The following SIGLEC1 variants were observed in gnomAD, a reference collection of about 807,000 sequenced individuals.
SIGLEC1 encodes sialic acid binding Ig like lectin 1.
A neutral mutation model predicts 148.0 loss-of-function variants in SIGLEC1; 132 were observed. The observed-to-expected ratio is 0.89, with a 90% CI of 0.77 to 1.03. The LOEUF (loss-of-function observed/expected upper bound fraction) is 1.03. Among genes scored for constraint, SIGLEC1 ranks in the 50% least tolerant of loss-of-function variants. The probability of loss-of-function intolerance (pLI) is 0.00; values close to 1 mark genes in which losing one functional copy is unlikely to be tolerated. For synonymous variants in SIGLEC1, 945 were observed against 969.0 expected, an observed-to-expected ratio of 0.98 and a Z score of 0.46; for missense variants, 2,253 against 2,271.4, an observed-to-expected ratio of 0.99 and a Z score of 0.16.
intron 5 of SIGLEC1, 131 bp from the exon 6 acceptor site, chr20:3,703,582 G>A (rs569532850): frequency 2.5e-6 from 3 of 1,207,130 alleles, no homozygotes; most frequent in South Asian, 3.1e-5. Context: ...CTGCTACAGG[G>A]GAGCCTCCTG....
chr20:3,704,920 G>A (rs921466840), intron 4 of SIGLEC1, among the ~76,000 whole-genome samples: 1 of 152,176 alleles, frequency 6.6e-6, no homozygotes, highest in African/African-American at 2.4e-5. Flanking sequence ...CACTGTATCC[G>A]GCCTCAAGTG....
Position 3,689,148 on chromosome 20 carries a change from T to C in SIGLEC1, c.5070+7A>G. 1 of 1,612,710 alleles carries C rather than the reference T, an allele frequency of 6.2e-7. No individual in the cohort carries two copies. Among genetic ancestry groups the C allele is most frequent in the Non-Finnish European group, 8.5e-7 (1 of 1,178,640 alleles). Reference sequence around the variant, plus strand: ...ATTATATCTGCCCGTGTGTGTTGAATGGATACCTGCGTGGTCTCTTTCTGA... The same window carrying C: ...ATTATATCTGCCCGTGTGTGTTGAACGGATACCTGCGTGGTCTCTTTCTGA... On this transcript the variant is annotated splice_region_variant and intron_variant, in intron 21 of 21. Transcript: ENST00000344754.
In SIGLEC1 at chr20:3,694,930, G is replaced by T. The variant is rs2088808139; in HGVS notation, c.2684-7C>A. 6.2e-7 allele frequency: 1 copy of T among 1,608,070 alleles called. No homozygotes were observed. Among genetic ancestry groups the T allele is most frequent in the South Asian group, 1.1e-5 (1 of 90,484 alleles). On this transcript the variant is annotated splice_polypyrimidine_tract_variant and splice_region_variant and intron_variant, in intron 11 of 21. Transcript: ENST00000344754. ...GACACCTGGACCCAGGCTCCTGCAG[G>T]GGAAAACCAAGAGCAGGTGAGGGCT...
At position 3,692,616 on chromosome 20, in the gene SIGLEC1, A is replaced by G. The variant is rs1187312112; in HGVS notation, c.3935T>C (p.Leu1312Pro). The G allele has an allele frequency of 6.2e-7, 1 of 1,612,940 alleles. No individual in the cohort carries two copies. Among genetic ancestry groups the G allele is most frequent in the Admixed American group, 1.7e-5 (1 of 60,028 alleles). Reference sequence around the variant, plus strand: ...GCCTGCATGAGCCCGCGTGGCCACCAGGAATGAGAGTGAGGCAGCTGGACC... The same window carrying G: ...GCCTGCATGAGCCCGCGTGGCCACCGGGAATGAGAGTGAGGCAGCTGGACC... ...QEGPAASLSFLVATRAHAGAY... is the reference protein window; with the variant it reads ...QEGPAASLSFPVATRAHAGAY... Residue 1312 changes from leucine (L) to proline (P), a missense_variant, in exon 16 of 22, where the codon CTG becomes CCG. Transcript: ENST00000344754.
In SIGLEC1 at chr20:3,701,443, A is replaced by AG. The variant is rs1270227738; in HGVS notation, c.1426dup (p.Leu476ProfsTer10). The AG allele has an allele frequency of 2.5e-6, 4 of 1,614,126 alleles. No homozygotes were observed. The highest frequency in any genetic ancestry group is 1.6e-4 in the Middle Eastern group (1 of 6,062). ...AGTTTCCTCCAGGTCTCGGATCTCCAGGCGCAGGGAGTTGGGACCAGAGGT... is the reference window on the plus strand; with the variant it reads ...AGTTTCCTCCAGGTCTCGGATCTCCAGGGCGCAGGGAGTTGGGACCAGAGGT... On this transcript the variant is annotated frameshift_variant, in exon 7 of 22. Transcript: ENST00000344754. LOFTEE classifies it high-confidence loss of function.
At chr20:3,697,479 C>A in intron 9 of SIGLEC1, 137 bp from the exon 10 acceptor site, 2 of 1,090,814 alleles carry the variant, frequency 1.8e-6, no homozygotes, top group Non-Finnish European at 1.3e-6. Flanking sequence ...AGCTAGCTCA[C>A]AGGGCAGCCT....
chr20:3,694,475 C>T lies in SIGLEC1; in HGVS notation c.3002G>A (p.Gly1001Asp), dbSNP rs1234012638. 2 of 1,597,262 alleles carry T rather than the reference C, an allele frequency of 1.3e-6. No individual in the cohort carries two copies. The highest frequency in any genetic ancestry group is 1.3e-5 in the African/African-American group (1 of 74,540). The change falls in exon 13 of 22, where the codon GGC becomes GAC. Residue 1001 changes from glycine to aspartate, a missense_variant. Physicochemically the swap from Gly to Asp is moderately conservative, Grantham distance 94. Coordinates refer to ENST00000344754, the MANE Select transcript of SIGLEC1 (RefSeq NM_023068.4). ...ACTGTCCACACGGCACAGGAGGAGG[C>T]CCAGTCGTCCAGGGCCTGTGTCCAT... is the stretch of plus-strand genomic sequence containing the variant. ...TLMDTGPGRLGLLLCRVDSDP... is the reference protein window; with the variant it reads ...TLMDTGPGRLDLLLCRVDSDP...
In SIGLEC1 at chr20:3,694,395, G is replaced by A. The variant is rs2146521839; in HGVS notation, c.3082C>T (p.Leu1028=). Residue 1028 remains leucine, a synonymous_variant, in exon 13 of 22, where the codon CTA becomes TTA. Transcript: ENST00000344754. ...CCTTCGGGTCCCCCCACACCTTGTA[G>A]GGTGGAGGCCACAAGGCGATCCCCG... ...LHGDRLVAST[L]QGVGGPEGSS... 1.2e-6 allele frequency: 2 copies of A among 1,613,256 alleles called. No individual in the cohort carries two copies. Among genetic ancestry groups the A allele is most frequent in the Non-Finnish European group, 1.7e-6 (2 of 1,179,872 alleles).
At chr20:3,712,091 G>A (rs1471810250) in intron 1 of SIGLEC1, among the ~76,000 whole-genome samples, 3 of 151,962 alleles carry the variant, frequency 2.0e-5, no homozygotes, top group Non-Finnish European at 4.4e-5. Context: ...TAGAGTCGGA[G>A]TTGTGGTTAG....
At chr20:3,700,106 CTTTTTTTT>C (rs58342380) in intron 7 of SIGLEC1, among the ~76,000 whole-genome samples, 1 of 36,064 alleles carries the variant, frequency 2.8e-5, no homozygotes, top group Non-Finnish European at 4.7e-5. Context: ...CTGTGGCCAG[CTTTTTTTT>C]TTTTTTTTTT....
chr20:3,701,437 A>C lies in SIGLEC1; in HGVS notation c.1433T>G (p.Ile478Ser), dbSNP rs1342318873. ...ACTGTCAGTTTCCTCCAGGTCTCGG[A>C]TCTCCAGGCGCAGGGAGTTGGGACC... ...TSGPNSLRLE[I>S]RDLEETDSGE... Residue 478 changes from isoleucine (I) to serine (S), a missense_variant, in exon 7 of 22, where the codon ATC becomes AGC. Coordinates refer to ENST00000344754, the MANE Select transcript of SIGLEC1 (RefSeq NM_023068.4). 1 of 1,614,106 alleles carries C rather than the reference A, an allele frequency of 6.2e-7. No individual in the cohort carries two copies. The highest frequency in any genetic ancestry group is 2.2e-5 in the East Asian group (1 of 44,880).
intron 4 of SIGLEC1, 118 bp from the exon 5 acceptor site, chr20:3,704,209 C>G: frequency 1.0e-6 from 1 of 955,078 alleles, no homozygotes. Flanking sequence ...GATAAAACAG[C>G]AGTCCCCTTC....
rs1260157172 is a variant in SIGLEC1 at position 3,690,171 on chromosome 20, G to A, written c.4685C>T (p.Ala1562Val). 4 of 1,585,456 alleles carry A rather than the reference G, an allele frequency of 2.5e-6. 1 individual carries two copies. Residue 1562 changes from alanine (A) to valine (V), a missense_variant, in exon 19 of 22, where the codon GCC becomes GTC. Transcript: ENST00000344754. ...ACTGCCAAGGTGGAGAGTCAGGCTG[G>A]CGAGCGGCTCGCTGTCCACTCGGCA... ...LDCRVDSEPL[A>V]SLTLHLGSRL...
rs772665418 is a variant in SIGLEC1 at position 3,689,189 on chromosome 20, G to A, written c.5036C>T (p.Ser1679Leu). The A allele has an allele frequency of 2.1e-5, 34 of 1,614,020 alleles. No homozygotes were observed. The highest frequency in any genetic ancestry group is 1.6e-4 in the Middle Eastern group (1 of 6,084). ...CTCTTTCTGAAAAGCCATCTCCACC[G>A]AATTCTCGCCCATGCTCTGCTTACA... ...RVCKQSMGENSVEMAFQKETT... is the reference protein window; with the variant it reads ...RVCKQSMGENLVEMAFQKETT... Residue 1679 changes from serine (S) to leucine (L), a missense_variant, in exon 21 of 22, where the codon TCG (serine) becomes TTG (leucine). Transcript: ENST00000344754.
intron 3 of SIGLEC1, 74 bp downstream of exon 3, chr20:3,706,273 G>A: frequency 6.5e-7 from 1 of 1,536,382 alleles, no homozygotes; most frequent in African/African-American, 1.4e-5. Context: ...CAAGGGCTGG[G>A]GCTGAGAGCC....
intron 4 of SIGLEC1, among the ~76,000 whole-genome samples, chr20:3,704,984 T>C (rs1225838697): frequency 6.6e-6 from 1 of 152,096 alleles, no homozygotes; most frequent in Non-Finnish European, 1.5e-5. Flanking sequence ...ATCTCCTTTA[T>C]TTGTTTTTGT....
chr20:3,694,718 C>G lies in SIGLEC1; in HGVS notation c.2889G>C (p.Gln963His). The change falls in exon 12 of 22, where the codon CAG becomes CAC. Residue 963 changes from glutamine to histidine, a missense_variant. By Grantham distance (24) the Gln-to-His change is conservative. Coordinates refer to ENST00000344754, the MANE Select transcript of SIGLEC1 (RefSeq NM_023068.4). ...TQAGAYHCQA[Q>H]APGSATTSLA... ...GGCTCGTGGTGGCTGAGCCTGGGGC[C>G]TGGGCTTGGCAATGATAGGCCCCAG... 1 of 1,613,868 alleles carries G rather than the reference C, an allele frequency of 6.2e-7. No homozygotes were observed. Among genetic ancestry groups the G allele is most frequent in the Non-Finnish European group, 8.5e-7 (1 of 1,180,022 alleles).
chr20:3,692,210 C>A lies in SIGLEC1; in HGVS notation c.4031-8G>T, dbSNP rs372250131. On this transcript the variant is annotated splice_region_variant and splice_polypyrimidine_tract_variant and intron_variant, in intron 16 of 21. Coordinates refer to ENST00000344754, the MANE Select transcript of SIGLEC1 (RefSeq NM_023068.4). ...CAGCGTCCTGAGGGGCATCTGTGGG[C>A]AGGCAGGGCACAGATGGGGACCTTG... The A allele has an allele frequency of 2.2e-5, 33 of 1,533,908 alleles. No homozygotes were observed. Among genetic ancestry groups the A allele is most frequent in the Non-Finnish European group, 2.9e-5 (33 of 1,141,438 alleles).
chr20:3,695,063 C>CCGGG (rs2088809736), intron 11 of SIGLEC1, 140 bp from the exon 12 acceptor site: 2 of 833,928 alleles, frequency 2.4e-6, no homozygotes, highest in African/African-American at 3.4e-5. Flanking sequence ...CCGCCAGGGC[C>CCGGG]CACTCAGCCC....
Sources: allele counts gnomAD v4.1 joint callset (sites outside exome capture counted in the v4.1 genomes callset), GRCh38; gene constraint gnomAD v4.1.1; transcripts MANE v1.5; gene names NCBI Gene and HGNC (gene_info 2026-07-23, HGNC 2026-07-21).